The following BABAM2 variants were observed in gnomAD, a reference collection of about 807,000 sequenced individuals.
The protein encoded by BABAM2 is BRISC and BRCA1-A complex member 2.
A neutral mutation model predicts 54.7 loss-of-function variants in BABAM2; 31 were observed. The ratio of observed to expected loss-of-function variants is 0.57; its 90% CI spans 0.43 to 0.77. The LOEUF (loss-of-function observed/expected upper bound fraction) is 0.77. Ranked by LOEUF, BABAM2 falls within the 30% of genes least tolerant of loss-of-function variation. The pLI is 0.00. For synonymous variants in BABAM2, 167 were observed against 162.9 expected, an observed-to-expected ratio of 1.03 and a Z score of -0.19; for missense variants, 364 against 455.8, an observed-to-expected ratio of 0.80 and a Z score of 1.83.
intron 6 of BABAM2, among the ~76,000 whole-genome samples, chr2:28,080,706 A>G (rs1454245771): frequency 6.6e-6 from 1 of 152,222 alleles, no homozygotes; most frequent in Non-Finnish European, 1.5e-5. Context: ...TTTTAAAACC[A>G]CTTACAATTA....
intron 2 of BABAM2, among the ~76,000 whole-genome samples, chr2:27,898,031 A>G (rs964852453): frequency 5.9e-5 from 9 of 152,174 alleles, no homozygotes; most frequent in South Asian, 2.1e-4. Context: ...TGGGATCTTT[A>G]AATCAGTATA....
intron 5 of BABAM2, among the ~76,000 whole-genome samples, chr2:28,041,649 A>C (rs955207174): frequency 1.3e-5 from 2 of 152,230 alleles, no homozygotes; most frequent in Non-Finnish European, 2.9e-5. Context: ...ACACAGGCAC[A>C]CGCCTGCATC....
At chr2:27,975,887 G>A (rs1481076802) in intron 3 of BABAM2, among the ~76,000 whole-genome samples, 1 of 151,988 alleles carries the variant, frequency 6.6e-6, no homozygotes, top group Admixed American at 6.6e-5. Flanking sequence ...ATGGGGAACA[G>A]ATCTGAACAG....
intron 10 of BABAM2, among the ~76,000 whole-genome samples, chr2:28,248,314 A>G (rs1013009722): frequency 6.9e-6 from 1 of 144,830 alleles, no homozygotes; most frequent in African/African-American, 2.5e-5. Flanking sequence ...GGTTCAAGCA[A>G]TTCTCCTGCC....
chr2:28,301,163 T>G (rs942797055), intron 11 of BABAM2, among the ~76,000 whole-genome samples: 5 of 152,204 alleles, frequency 3.3e-5, no homozygotes, highest in African/African-American at 1.2e-4. Context: ...TATAATTCAC[T>G]TGGGGAGCTC....
At chr2:28,083,492 C>G (rs1398044623) in intron 6 of BABAM2, among the ~76,000 whole-genome samples, 1 of 152,148 alleles carries the variant, frequency 6.6e-6, no homozygotes, top group Non-Finnish European at 1.5e-5. Context: ...TATGGCTTAA[C>G]AGTAGTTATC....
At chr2:28,013,276 A>C in intron 4 of BABAM2, 1 of 439,672 alleles carries the variant, frequency 2.3e-6, no homozygotes, top group Admixed American at 2.5e-5. Context: ...TGAGATGATA[A>C]ATTCTGATAA....
intron 11 of BABAM2, among the ~76,000 whole-genome samples, chr2:28,302,987 C>T (rs566499761): frequency 3.3e-5 from 5 of 151,960 alleles, no homozygotes; most frequent in Admixed American, 2.6e-4. Flanking sequence ...TTGTGAGTAT[C>T]GTCTTTCAAT....
At chr2:27,914,774 A>G (rs1460865399) in intron 2 of BABAM2, among the ~76,000 whole-genome samples, 1 of 152,212 alleles carries the variant, frequency 6.6e-6, no homozygotes, top group Non-Finnish European at 1.5e-5. Context: ...TTTTCAATTT[A>G]TATATGAACA....
chr2:28,125,326 C>G (rs1028350045), intron 6 of BABAM2, among the ~76,000 whole-genome samples: 21 of 151,856 alleles, frequency 1.4e-4, no homozygotes, highest in African/African-American at 5.1e-4. Context: ...CAGAGTCTCA[C>G]TCTGTCAGCC....
intron 7 of BABAM2, among the ~76,000 whole-genome samples, chr2:28,194,222 G>A (rs972017115): frequency 6.6e-5 from 10 of 152,108 alleles, no homozygotes; most frequent in Non-Finnish European, 1.2e-4. Flanking sequence ...TGTAAGCCAC[G>A]GTGAGAGCTG....
chr2:28,309,344 A>T (rs2148275342), intron 11 of BABAM2: 1 of 152,162 alleles, frequency 6.6e-6, no homozygotes, highest in East Asian at 1.9e-4. Context: ...TCTGCTAGTC[A>T]CAGATTTAAA....
At chr2:28,202,965 C>A (rs535173471) in intron 7 of BABAM2, among the ~76,000 whole-genome samples, 2 of 152,138 alleles carry the variant, frequency 1.3e-5, no homozygotes, top group African/African-American at 2.4e-5. Flanking sequence ...CCTCCACCCC[C>A]CCACAGAAAG....
At chr2:28,306,607 A>T (rs1688541726) in intron 11 of BABAM2, among the ~76,000 whole-genome samples, 1 of 151,890 alleles carries the variant, frequency 6.6e-6, no homozygotes, top group African/African-American at 2.4e-5. Context: ...GTGTCTTTAT[A>T]TTTGAAAGAA....
At chr2:28,094,062 TG>T (rs1372777033) in intron 6 of BABAM2, among the ~76,000 whole-genome samples, 1 of 152,186 alleles carries the variant, frequency 6.6e-6, no homozygotes, top group Non-Finnish European at 1.5e-5. Flanking sequence ...AGGCCTAGGT[TG>T]GATTATCAGA....
Position 27,941,589 on chromosome 2 carries a change from A to T in BABAM2, c.205+11681A>T, listed in dbSNP as rs114496961. 3.3e-3 allele frequency among the ~76,000 whole-genome samples: 502 copies of T among 152,156 alleles called. 1 individual carries two copies. Among genetic ancestry groups the T allele is most frequent in the African/African-American group, 0.011 (442 of 41,530 alleles). ...AAAAAGAGCAATATAGTTGTTTATCATCTGAGAGGAATGATGGATATTTCA... is the reference window on the plus strand; with the variant it reads ...AAAAAGAGCAATATAGTTGTTTATCTTCTGAGAGGAATGATGGATATTTCA... On this transcript the variant is annotated intron_variant, in intron 3 of 11. Transcript: ENST00000379624.
rs184774730 is a variant in BABAM2 at position 28,330,993 on chromosome 2, G to C, written c.1089-7457G>C. 4.8e-3 allele frequency among the ~76,000 whole-genome samples: 726 copies of C among 152,242 alleles called. 4 individuals are homozygous for C. Among genetic ancestry groups the C allele is most frequent in the South Asian group, 0.028 (134 of 4,822 alleles). On this transcript the variant is annotated intron_variant, in intron 11 of 11. Transcript: ENST00000379624. ...AAACAGACACAAACCAGTGGAACAG[G>C]ATAGACATCTCAGAAATAAGGCCGC...
chr2:28,063,270 C>T (rs1386192329), intron 6 of BABAM2, among the ~76,000 whole-genome samples: 1 of 152,190 alleles, frequency 6.6e-6, no homozygotes, highest in Non-Finnish European at 1.5e-5. Flanking sequence ...CTCTAGACAG[C>T]ACTGTCCAGT....
At chr2:27,926,829 A>G (rs1667740958) in intron 2 of BABAM2, among the ~76,000 whole-genome samples, 1 of 152,178 alleles carries the variant, frequency 6.6e-6, no homozygotes, top group African/African-American at 2.4e-5. Flanking sequence ...ACACATAGGA[A>G]TTGTACATAT....
Sources: gnomAD v4.1 joint callset for allele counts (sites outside exome capture counted in the v4.1 genomes callset) on GRCh38, gnomAD v4.1.1 for gene constraint, MANE v1.5 for transcripts, NCBI Gene and HGNC (gene_info 2026-07-23, HGNC 2026-07-21) for gene names.